The following IMMT variants were observed in gnomAD, a reference collection of about 807,000 sequenced individuals.
The protein encoded by IMMT is MICOS complex subunit MIC60.
Under a neutral mutation model 92.7 loss-of-function variants are expected in IMMT, and 40 were observed. The observed-to-expected ratio is 0.43, with a 90% confidence interval of 0.34 to 0.56. The LOEUF (loss-of-function observed/expected upper bound fraction) is 0.56. IMMT is among the 20% of genes least tolerant of loss of function. The pLI is 0.03. For missense variants in IMMT, 831 were observed against 912.1 expected (o/e 0.91, Z 1.14); for synonymous variants, 322 against 336.1 (o/e 0.96, Z 0.46).
At position 86,173,676 on chromosome 2, in the gene IMMT, T is replaced by C; in HGVS notation, c.395A>G (p.Lys132Arg). The C allele has an allele frequency of 6.3e-7, 1 of 1,598,436 alleles. No homozygotes were observed. Among genetic ancestry groups the C allele is most frequent in the Non-Finnish European group, 8.6e-7 (1 of 1,166,340 alleles). Residue 132 changes from lysine (K) to arginine (R), a missense_variant, in exon 4 of 15, where the codon AAG becomes AGG. Transcript: ENST00000410111. Reference protein sequence around the residue: ...KQPASQLQKQKGDTPASATAP... With the variant: ...KQPASQLQKQRGDTPASATAP... Reference sequence around the variant, plus strand: ...TGTTGCTGAAGCTGGAGTATCTCCCTTTTGTTTTTGGAGTTGTGAGGCAGG... The same window carrying C: ...TGTTGCTGAAGCTGGAGTATCTCCCCTTTGTTTTTGGAGTTGTGAGGCAGG...
chr2:86,165,054 C>T (rs1458787117), intron 7 of IMMT, among the ~76,000 whole-genome samples: 1 of 152,194 alleles, frequency 6.6e-6, no homozygotes, highest in African/African-American at 2.4e-5. Flanking sequence ...TTATTTTGTA[C>T]ATTAGCTAAT....
intron 10 of IMMT, among the ~76,000 whole-genome samples, chr2:86,154,318 GCCTCC>G (rs1035786243): frequency 6.6e-6 from 1 of 151,452 alleles, no homozygotes; most frequent in Non-Finnish European, 1.5e-5. Context: ...GACTACATGC[GCCTCC>G]CACCACGCCT....
chr2:86,155,067 C>T lies in IMMT; in HGVS notation c.1163-1493G>A, dbSNP rs116070967. 8.1e-3 allele frequency among the ~76,000 whole-genome samples: 1,226 copies of T among 152,142 alleles called. 7 individuals carry two copies. The highest frequency in any genetic ancestry group is 0.013 in the Non-Finnish European group (869 of 67,994). On this transcript the variant is annotated intron_variant, in intron 10 of 14. Coordinates refer to ENST00000410111, the MANE Select transcript of IMMT (RefSeq NM_006839.3). ...TAGTAGAGATGGGGTTTCACCATAT[C>T]GGCCAGGCCGGTCTTGAACGCCTAA...
intron 7 of IMMT, among the ~76,000 whole-genome samples, chr2:86,162,434 A>T (rs1407926304): frequency 2.6e-5 from 4 of 151,084 alleles, no homozygotes; most frequent in African/African-American, 9.7e-5. Flanking sequence ...TAGGGTCCTT[A>T]TTCCTCCTAA....
At chr2:86,186,650 G>A (rs1287993275) in intron 1 of IMMT, among the ~76,000 whole-genome samples, 10 of 152,182 alleles carry the variant, frequency 6.6e-5, no homozygotes. Flanking sequence ...GTCAGCTGCA[G>A]CCAGTATTTA....
intron 2 of IMMT, among the ~76,000 whole-genome samples, chr2:86,180,546 G>A (rs889659563): frequency 3.3e-5 from 5 of 151,316 alleles, no homozygotes; most frequent in African/African-American, 1.2e-4. Context: ...GATTACAAGC[G>A]TGAGCCACCA....
intron 4 of IMMT, among the ~76,000 whole-genome samples, chr2:86,172,199 G>A (rs534174663): frequency 6.6e-6 from 1 of 151,946 alleles, no homozygotes; most frequent in Non-Finnish European, 1.5e-5. Context: ...CAAACTGCTA[G>A]GCTCAAGTGA....
chr2:86,188,205 A>C lies in IMMT; in HGVS notation c.46-6833T>G, dbSNP rs377136765. Among the ~76,000 whole-genome samples the C allele has an allele frequency of 1.1e-3, 167 of 151,646 alleles. 1 individual carries two copies. In the Middle Eastern group the frequency reaches 0.027, roughly 25 times the overall value. ...CAGGTGTGTACCACCATGCCCGGCT[A>C]ATTTGTTATTTTCCATTTTTATTAT... On this transcript the variant is annotated intron_variant, in intron 1 of 14. Transcript: ENST00000410111.
Position 86,151,334 on chromosome 2 carries a change from T to C in IMMT, c.1364A>G (p.His455Arg). The C allele has an allele frequency of 1.2e-6, 2 of 1,613,980 alleles. No individual in the cohort carries two copies. The highest frequency in any genetic ancestry group is 1.7e-6 in the Non-Finnish European group (2 of 1,179,882). ...TTCAGCCTGTATTTCACTTCTGTGATGTTCTAATGCTTTTGCTACTGCAGA... is the reference window on the plus strand; with the variant it reads ...TTCAGCCTGTATTTCACTTCTGTGACGTTCTAATGCTTTTGCTACTGCAGA... The part of the protein sequence containing the change: ...FDSAVAKALE[H>R]HRSEIQAEQD... The change falls in exon 12 of 15, where the codon CAT (histidine) becomes CGT (arginine). Residue 455 changes from histidine (H) to arginine (R), a missense_variant. His to Arg is a conservative substitution (Grantham distance 29). Coordinates refer to ENST00000410111, the MANE Select transcript of IMMT (RefSeq NM_006839.3).
intron 3 of IMMT, among the ~76,000 whole-genome samples, chr2:86,175,725 T>TTA (rs373998220): frequency 6.9e-6 from 1 of 145,834 alleles, no homozygotes; most frequent in Non-Finnish European, 1.5e-5. Flanking sequence ...GAGTAAATGG[T>TTA]AAAAAAAAAA....
At chr2:86,165,955 G>A (rs1047598453) in intron 7 of IMMT, among the ~76,000 whole-genome samples, 4 of 152,170 alleles carry the variant, frequency 2.6e-5, no homozygotes, top group Non-Finnish European at 4.4e-5. Context: ...GCGCTGCATC[G>A]GTGTTGTAAG....
chr2:86,173,894 A>G, intron 3 of IMMT, 133 bp from the exon 4 acceptor site: 1 of 572,590 alleles, frequency 1.7e-6, no homozygotes, highest in East Asian at 3.2e-5. Context: ...TAACATATGT[A>G]TTTTATTAAA....
rs17026999 is a variant in IMMT at position 86,168,684 on chromosome 2, C to T, written c.656-2040G>A. Among the ~76,000 whole-genome samples, 1,172 of 151,292 alleles carry T rather than the reference C, an allele frequency of 7.7e-3. 19 individuals are homozygous for T. The highest frequency in any genetic ancestry group is 0.026 in the African/African-American group (1,077 of 41,142). ...AAAAATAAAAAATGTATTTGACAAG[C>T]GAGAAAAAAAGATGATTTTGAGGAA... On this transcript the variant is annotated intron_variant, in intron 6 of 14. Transcript: ENST00000410111.
intron 2 of IMMT, 44 bp downstream of exon 2, chr2:86,181,255 A>G: frequency 7.1e-7 from 1 of 1,415,044 alleles, no homozygotes; most frequent in Non-Finnish European, 1.0e-6. Flanking sequence ...CTCCCTAAGC[A>G]GCACACAGTG....
chr2:86,162,753 A>T (rs1248422299), intron 7 of IMMT, among the ~76,000 whole-genome samples: 2 of 152,282 alleles, frequency 1.3e-5, no homozygotes, highest in East Asian at 3.9e-4. Context: ...CTGAAGCAGG[A>T]GAATTGCTTG....
At position 86,146,200 on chromosome 2, in the gene IMMT, G is replaced by A; in HGVS notation, c.1534-3C>T. On this transcript the variant is annotated splice_polypyrimidine_tract_variant and splice_region_variant and intron_variant, in intron 13 of 14. Transcript: ENST00000410111. Reference sequence around the variant, plus strand: ...TCAGAGAGTTTCTCAGACAGGTTCTGAAATAAAACAGAAATAGTTCCAGAA... The same window carrying A: ...TCAGAGAGTTTCTCAGACAGGTTCTAAAATAAAACAGAAATAGTTCCAGAA... The A allele has an allele frequency of 6.3e-7, 1 of 1,599,920 alleles. No individual in the cohort carries two copies. Among genetic ancestry groups the A allele is most frequent in the Non-Finnish European group, 8.5e-7 (1 of 1,170,348 alleles).
At chr2:86,186,294 G>A (rs1436209372) in intron 1 of IMMT, among the ~76,000 whole-genome samples, 2 of 152,176 alleles carry the variant, frequency 1.3e-5, no homozygotes, top group East Asian at 1.9e-4. Context: ...CATGTGGGAG[G>A]GATGTCAGTT....
At chr2:86,190,771 C>T (rs1040811459) in intron 1 of IMMT, among the ~76,000 whole-genome samples, 7 of 152,166 alleles carry the variant, frequency 4.6e-5, no homozygotes, top group East Asian at 3.8e-4. Flanking sequence ...GGGCAGATCA[C>T]GACGTCAGGA....
At chr2:86,162,895 G>T (rs1271702549) in intron 7 of IMMT, among the ~76,000 whole-genome samples, 1 of 152,068 alleles carries the variant, frequency 6.6e-6, no homozygotes, top group African/African-American at 2.4e-5. Context: ...TTTTTCTCCA[G>T]CTATGGAACT....
Sources: gnomAD v4.1 joint callset for allele counts (sites outside exome capture counted in the v4.1 genomes callset) on GRCh38, gnomAD v4.1.1 for gene constraint, MANE v1.5 for transcripts, NCBI Gene and HGNC (gene_info 2026-07-23, HGNC 2026-07-21) for gene names.